PDE4D: variants seen among roughly 807,000 people sequenced by gnomAD.
PDE4D encodes 3',5'-cyclic-AMP phosphodiesterase 4D.
Under a neutral mutation model 87.4 loss-of-function variants are expected in PDE4D, and 24 were observed. The observed-to-expected ratio is 0.27, with a 90% CI of 0.20 to 0.39. The LOEUF (loss-of-function observed/expected upper bound fraction) is 0.39, where lower values mean the gene tolerates loss of function less well. Ranked by LOEUF, PDE4D falls within the 10% of genes least tolerant of loss-of-function variation. The pLI is 1.00. For missense variants in PDE4D, 714 were observed against 1,041.0 expected (o/e 0.69, Z 4.32); for synonymous variants, 384 against 383.2 (o/e 1.00, Z -0.02).
At chr5:59,394,075 G>T (rs1487186310) in intron 1 of PDE4D, among the ~76,000 whole-genome samples, 1 of 152,146 alleles carries the variant, frequency 6.6e-6, no homozygotes, top group Non-Finnish European at 1.5e-5. Flanking sequence ...TCCACCTTTA[G>T]TGATCTCAAG....
intron 2 of PDE4D, among the ~76,000 whole-genome samples, chr5:59,997,421 T>C (rs1763614856): frequency 6.6e-6 from 1 of 152,202 alleles, no homozygotes; most frequent in Admixed American, 6.5e-5. Context: ...ATTGTCTTCA[T>C]TCTCAAGTTT....
chr5:59,612,633 C>T (rs1304940013), intron 1 of PDE4D, among the ~76,000 whole-genome samples: 2 of 151,858 alleles, frequency 1.3e-5, no homozygotes, highest in African/African-American at 2.4e-5. Flanking sequence ...GCAGGGAGAA[C>T]AATTTAAAAA....
At chr5:60,281,804 T>C (rs1751932245) in intron 1 of PDE4D, among the ~76,000 whole-genome samples, 1 of 152,058 alleles carries the variant, frequency 6.6e-6, no homozygotes, top group South Asian at 2.1e-4. Flanking sequence ...ATTGCCTCCC[T>C]GAGGCAGGCA....
intron 1 of PDE4D, among the ~76,000 whole-genome samples, chr5:60,204,889 T>C (rs1742320349): frequency 6.6e-6 from 1 of 152,342 alleles, no homozygotes; most frequent in South Asian, 2.1e-4. Flanking sequence ...GTGGGGATGA[T>C]AGCAGTACCA....
chr5:59,634,654 C>G (rs936099840), intron 1 of PDE4D, among the ~76,000 whole-genome samples: 1 of 152,026 alleles, frequency 6.6e-6, no homozygotes, highest in Non-Finnish European at 1.5e-5. Context: ...AATAACGAAA[C>G]AAAGGCAGAA....
rs531315148 is a variant in PDE4D, at chr5:60,190,992, C to T, written c.-89-5305G>A. On this transcript the variant is annotated intron_variant, in intron 1 of 16. Transcript: ENST00000502484. The stretch of plus-strand genomic sequence containing the variant: ...CTCCAGGCTGGTCTCATCTCTGCCG[C>T]ACCTGAGACACATCCATTTCTACCT... Among the ~76,000 whole-genome samples the T allele has an allele frequency of 3.3e-5, 5 of 152,244 alleles. No individual in the cohort carries two copies. In the South Asian group the frequency reaches 6.2e-4, roughly 19 times the overall value.
chr5:60,079,132 G>A (rs191133447), intron 2 of PDE4D, among the ~76,000 whole-genome samples: 4 of 152,270 alleles, frequency 2.6e-5, no homozygotes, highest in Admixed American at 2.6e-4. Flanking sequence ...TTTCTCTGAT[G>A]ATCCATGACA....
Position 60,297,546 on chromosome 5 carries a change from C to T in PDE4D, c.-89-111859G>A, listed in dbSNP as rs535775580. ...ATAAATCTGGACATCATCTCAATTT[C>T]ATCACCAAAACATTTTTAACTCAAT... On this transcript the variant is annotated intron_variant, in intron 1 of 16. Transcript: ENST00000502484. Among the ~76,000 whole-genome samples the T allele has an allele frequency of 2.6e-5, 4 of 152,314 alleles. No homozygotes were observed. In the East Asian group the frequency reaches 7.7e-4, roughly 29 times the overall value.
chr5:60,371,978 C>T (rs951065637), intron 1 of PDE4D, among the ~76,000 whole-genome samples: 12 of 152,110 alleles, frequency 7.9e-5, no homozygotes, highest in Admixed American at 7.9e-4. Context: ...TTCCACTGGA[C>T]TATAAAAACG....
intron 1 of PDE4D, among the ~76,000 whole-genome samples, chr5:60,239,237 C>T (rs1746790950): frequency 6.6e-6 from 1 of 152,064 alleles, no homozygotes; most frequent in Admixed American, 6.6e-5. Context: ...CCTTACCACA[C>T]TGATTTGTAA....
intron 1 of PDE4D, among the ~76,000 whole-genome samples, chr5:59,393,600 C>T (rs1436985341): frequency 6.6e-6 from 1 of 152,148 alleles, no homozygotes; most frequent in African/African-American, 2.4e-5. Flanking sequence ...ATGACAACAC[C>T]AATATTTAGG....
chr5:59,278,728 T>C (rs1008317917), intron 1 of PDE4D, among the ~76,000 whole-genome samples: 6 of 152,232 alleles, frequency 3.9e-5, no homozygotes, highest in African/African-American at 1.4e-4. Flanking sequence ...ATAGATTTAA[T>C]ATACTGGTAT....
At chr5:59,423,869 G>A (rs540773967) in intron 1 of PDE4D, among the ~76,000 whole-genome samples, 8 of 150,974 alleles carry the variant, frequency 5.3e-5, no homozygotes, top group East Asian at 1.9e-4. Context: ...GCATGGAAGC[G>A]TCATGATGGC....
intron 1 of PDE4D, among the ~76,000 whole-genome samples, chr5:59,618,442 G>A (rs887381662): frequency 6.6e-6 from 1 of 152,118 alleles, no homozygotes; most frequent in Non-Finnish European, 1.5e-5. Flanking sequence ...ATGAAAGAGA[G>A]GACCTGACAA....
At chr5:59,903,561 C>A (rs1453771076) in intron 3 of PDE4D, among the ~76,000 whole-genome samples, 2 of 152,108 alleles carry the variant, frequency 1.3e-5, no homozygotes, top group African/African-American at 4.8e-5. Context: ...AGAAAAAAAA[C>A]TGCAATTACT....
At chr5:60,105,153 A>T (rs2149341552) in intron 2 of PDE4D, among the ~76,000 whole-genome samples, 1 of 152,372 alleles carries the variant, frequency 6.6e-6, no homozygotes, top group African/African-American at 2.4e-5. Context: ...TAACCAATAC[A>T]GAGAAGTCCT....
intron 2 of PDE4D, among the ~76,000 whole-genome samples, chr5:60,154,949 A>G (rs531701930): frequency 6.6e-6 from 1 of 152,330 alleles, no homozygotes; most frequent in African/African-American, 2.4e-5. Context: ...TTAGAGTTGT[A>G]TTCTTAGGTT....
chr5:59,152,873 C>A (rs1439161826), intron 5 of PDE4D, among the ~76,000 whole-genome samples: 3 of 151,928 alleles, frequency 2.0e-5, no homozygotes. Context: ...AGTTCAAGAC[C>A]ATAAAACAAC....
chr5:60,046,205 T>C (rs1421451918), intron 2 of PDE4D, among the ~76,000 whole-genome samples: 25 of 152,276 alleles, frequency 1.6e-4, no homozygotes, highest in Admixed American at 4.6e-4. Context: ...GTGATTTTTG[T>C]ACATTGATTT....
Sources: allele counts gnomAD v4.1 joint callset (sites outside exome capture counted in the v4.1 genomes callset), GRCh38; gene constraint gnomAD v4.1.1; transcripts MANE v1.5; gene names NCBI Gene and HGNC (gene_info 2026-07-23, HGNC 2026-07-21).